FAT1: variants seen among roughly 807,000 people sequenced by gnomAD.
FAT1 encodes the protein protocadherin Fat 1.
In FAT1, 171 loss-of-function variants were observed where a neutral mutation model predicts 329.8. The ratio of observed to expected loss-of-function variants is 0.52; its 90% confidence interval spans 0.46 to 0.59. The LOEUF (loss-of-function observed/expected upper bound fraction) is 0.59, where lower values mean the gene tolerates loss of function less well. Among genes scored for constraint, FAT1 ranks in the 20% least tolerant of loss-of-function variants. The probability of loss-of-function intolerance (pLI) is 0.00; values close to 1 mark genes in which losing one functional copy is unlikely to be tolerated. For synonymous variants in FAT1, 2,233 were observed against 2,228.6 expected (o/e 1.00, Z -0.06); for missense variants, 5,672 against 5,774.4 (o/e 0.98, Z 0.57).
intron 16 of FAT1, 90 bp from the exon 17 acceptor site, chr4:186,606,303 A>AGT: frequency 1.4e-6 from 2 of 1,421,046 alleles, no homozygotes; most frequent in Non-Finnish European, 1.9e-6. Flanking sequence ...CCTGACGGGC[A>AGT]GGTCCCAGTG....
intron 2 of FAT1, among the ~76,000 whole-genome samples, chr4:186,697,783 C>T (rs1018494259): frequency 8.5e-5 from 13 of 152,186 alleles, no homozygotes; most frequent in Admixed American, 1.3e-4. Context: ...TCACCATTAT[C>T]CTTACCCGCT....
At position 186,604,485 on chromosome 4, in the gene FAT1, A is replaced by T. The variant is rs1488119054; in HGVS notation, c.10440T>A (p.Ile3480=). 6 of 1,613,770 alleles carry T rather than the reference A, an allele frequency of 3.7e-6. No individual in the cohort carries two copies. In the East Asian group the frequency reaches 1.3e-4, roughly 36 times the overall value. The stretch of plus-strand genomic sequence containing the variant: ...AAGCCTTCTCATCATTTCCAGTTAC[A>T]ATAGTAAAGAAGAAGGGTGGACCGT... ...SHNGPPFFFT[I]VTGNDEKAFE... The change falls in exon 18 of 27, where the codon ATT becomes ATA. Residue 3480 remains isoleucine (I), a synonymous_variant. Coordinates refer to ENST00000441802, the MANE Select transcript of FAT1 (RefSeq NM_005245.4).
At chr4:186,592,626 T>C (rs1275937897) in intron 26 of FAT1, 2 of 447,760 alleles carry the variant, frequency 4.5e-6, no homozygotes, top group Non-Finnish European at 9.0e-6. Context: ...GCAATAGCAA[T>C]GCGGCCGAGC....
At chr4:186,633,176 C>G (rs1740667892) in intron 7 of FAT1, among the ~76,000 whole-genome samples, 1 of 152,010 alleles carries the variant, frequency 6.6e-6, no homozygotes, top group South Asian at 2.1e-4. Context: ...GATTTTAACA[C>G]TTAAGTTTGA....
chr4:186,595,611 A>G lies in FAT1; in HGVS notation c.13138+78T>C, dbSNP rs373272887. 25 of 1,501,172 alleles carry G rather than the reference A, an allele frequency of 1.7e-5. 1 individual carries two copies. Among genetic ancestry groups the G allele is most frequent in the East Asian group, 4.5e-5 (2 of 44,034 alleles). 93.0% of individuals were successfully genotyped at this position (1,501,172 alleles called of 1,614,324 possible). On this transcript the variant is annotated intron_variant, in intron 26 of 26. Coordinates refer to ENST00000441802, the MANE Select transcript of FAT1 (RefSeq NM_005245.4). ...ATATGGTGAGGCTTTAAGGGTAGAT[A>G]GTGCGTCTACATTGTGAGATAACAC...
rs1228128917 is a variant in FAT1 at position 186,601,310 on chromosome 4, C to T, written c.11599G>A (p.Val3867Ile). The change falls in exon 21 of 27, where the codon GTT becomes ATT. Residue 3867 changes from valine (V) to isoleucine (I), a missense_variant. Around this residue, in one of 2 missense-constraint regions of FAT1, gnomAD observed 1,706 missense variants for 1,859.1 expected, o/e 0.92. Coordinates refer to ENST00000441802, the MANE Select transcript of FAT1 (RefSeq NM_005245.4). ...TCAGTTCCTCGAGCATACATGACAACCGCATGCGTGGAATATGTTCTGAGC... is the reference window on the plus strand; with the variant it reads ...TCAGTTCCTCGAGCATACATGACAATCGCATGCGTGGAATATGTTCTGAGC... ...MRLRTYSTHA[V>I]VMYARGTDYS... The T allele has an allele frequency of 1.9e-6, 3 of 1,611,454 alleles. No individual in the cohort carries two copies. Among genetic ancestry groups the T allele is most frequent in the Non-Finnish European group, 2.5e-6 (3 of 1,177,896 alleles).
At chr4:186,659,894 C>A (rs979135398) in intron 3 of FAT1, among the ~76,000 whole-genome samples, 5 of 148,058 alleles carry the variant, frequency 3.4e-5, no homozygotes, top group Non-Finnish European at 6.0e-5. Flanking sequence ...GGTGCTCCTG[C>A]ACTCTACACA....
chr4:186,623,590 G>A (rs1012874246), intron 9 of FAT1, among the ~76,000 whole-genome samples: 9 of 152,196 alleles, frequency 5.9e-5, no homozygotes, highest in Admixed American at 2.6e-4. Context: ...AAGGCCTCAT[G>A]TGGAGGAACG....
intron 2 of FAT1, among the ~76,000 whole-genome samples, chr4:186,704,467 G>GA (rs1203331113): frequency 6.6e-6 from 1 of 151,872 alleles, no homozygotes; most frequent in Non-Finnish European, 1.5e-5. Flanking sequence ...TCACTTGAAA[G>GA]AAAAAACCCA....
intron 26 of FAT1, among the ~76,000 whole-genome samples, chr4:186,589,971 T>C (rs971398501): frequency 2.2e-4 from 33 of 152,326 alleles, no homozygotes; most frequent in African/African-American, 7.2e-4. Context: ...TAACTTAATA[T>C]AGGTATGTAT....
rs371683953 is a variant in FAT1 at position 186,679,107 on chromosome 4, A to T, written c.3266-15494T>A. On this transcript the variant is annotated intron_variant, in intron 2 of 26. Coordinates refer to ENST00000441802, the MANE Select transcript of FAT1 (RefSeq NM_005245.4). ...AAAAAATATTTAGGCTGGGCTGGGC[A>T]CGGTGGCTCACGCCTGTAATCCCAG... Among the ~76,000 whole-genome samples the T allele has an allele frequency of 1.1e-4, 16 of 152,246 alleles. No individual in the cohort carries two copies. In the East Asian group the frequency reaches 2.9e-3, roughly 28 times the overall value.
chr4:186,701,427 A>G (rs1414664219), intron 2 of FAT1, among the ~76,000 whole-genome samples: 1 of 152,168 alleles, frequency 6.6e-6, no homozygotes, highest in Admixed American at 6.5e-5. Context: ...AGGAGAACAT[A>G]AAGAGCCAAG....
At position 186,707,546 on chromosome 4, in the gene FAT1, T is replaced by C. The variant is rs2126689460; in HGVS notation, c.2282A>G (p.Glu761Gly). ...KLVYAVSGGNEDSCFMIDMET... is the reference protein window; with the variant it reads ...KLVYAVSGGNGDSCFMIDMET... ...CATATCAATCATGAAGCAACTATCC[T>C]CATTTCCTCCAGAAACAGCATAGAC... The change falls in exon 2 of 27, where the codon GAG (glutamate) becomes GGG (glycine). Residue 761 changes from glutamate to glycine, a missense_variant. Coordinates refer to ENST00000441802, the MANE Select transcript of FAT1 (RefSeq NM_005245.4). The C allele has an allele frequency of 1.2e-6, 2 of 1,614,016 alleles. No homozygotes were observed.
chr4:186,688,730 A>C (rs1743607378), intron 2 of FAT1, among the ~76,000 whole-genome samples: 1 of 148,980 alleles, frequency 6.7e-6, no homozygotes, highest in Admixed American at 6.7e-5. Context: ...AAATAAACAT[A>C]TTTACTTAAG....
chr4:186,661,977 G>A (rs1742193811), intron 3 of FAT1, among the ~76,000 whole-genome samples: 1 of 152,062 alleles, frequency 6.6e-6, no homozygotes. Context: ...GACTCCCAAG[G>A]TGTCCGCTGC....
chr4:186,598,275 C>T (rs1738635442), intron 22 of FAT1, 150 bp from the exon 23 acceptor site: 2 of 686,928 alleles, frequency 2.9e-6, no homozygotes, highest in Admixed American at 3.3e-5. Context: ...GCTACATCAA[C>T]AAGCCTTCCA....
chr4:186,723,862 G>C (rs1191045972), upstream of FAT1: 5 of 148,440 alleles, frequency 3.4e-5, no homozygotes, highest in African/African-American at 1.2e-4. Context: ...CGCTCCCCGA[G>C]CGCAGGAGAT....
intron 2 of FAT1, among the ~76,000 whole-genome samples, chr4:186,690,365 G>A (rs367719333): frequency 6.6e-6 from 1 of 152,102 alleles, no homozygotes; most frequent in Non-Finnish European, 1.5e-5. Flanking sequence ...GATCAGAGAC[G>A]TAGCTCTAGG....
At chr4:186,635,910 T>C in intron 6 of FAT1, 115 bp downstream of exon 6, 1 of 857,538 alleles carries the variant, frequency 1.2e-6, no homozygotes, top group Non-Finnish European at 1.8e-6. Flanking sequence ...ATTCTCCACC[T>C]GTCGATCTTA....
Sources: allele counts gnomAD v4.1 joint callset (sites outside exome capture counted in the v4.1 genomes callset), GRCh38; gene constraint gnomAD v4.1.1; regional missense constraint gnomAD v4.1.1; transcripts MANE v1.5; gene names NCBI Gene and HGNC (gene_info 2026-07-23, HGNC 2026-07-21).